The following STK39 variants were observed in gnomAD, a reference collection of about 807,000 sequenced individuals.
STK39 encodes serine/threonine kinase 39, also known as STE20/SPS1-related proline-alanine-rich protein kinase.
STK39 carries 20 observed loss-of-function variants against 77.8 expected under a neutral mutation model. The ratio of observed to expected loss-of-function variants is 0.26; its 90% CI spans 0.18 to 0.37. The LOEUF (loss-of-function observed/expected upper bound fraction) is 0.37, where lower values mean the gene tolerates loss of function less well. Ranked by LOEUF, STK39 falls within the 10% of genes least tolerant of loss-of-function variation. STK39 has a pLI of 1.00. For missense variants in STK39, 479 were observed against 656.5 expected, an observed-to-expected ratio of 0.73 and a Z score of 2.95; for synonymous variants, 246 against 234.1, an observed-to-expected ratio of 1.05 and a Z score of -0.47.
chr2:167,999,035 G>T (rs896584268), intron 16 of STK39, among the ~76,000 whole-genome samples: 2 of 99,764 alleles, frequency 2.0e-5, no homozygotes, highest in African/African-American at 7.2e-5. Context: ...TTCAGTTTTC[G>T]CAAGTCATTA....
intron 14 of STK39, 56 bp from the exon 15 acceptor site, chr2:168,017,151 C>G: frequency 2.4e-6 from 3 of 1,253,514 alleles, no homozygotes; most frequent in Non-Finnish European, 2.2e-6. Flanking sequence ...TTTAGTCGAA[C>G]TACATGTATT....
chr2:167,981,050 T>TA (rs36011880), intron 16 of STK39, among the ~76,000 whole-genome samples: 24,646 of 147,318 alleles, frequency 0.17, 2,125 homozygotes, highest in Middle Eastern at 0.22. Context: ...GGCCACAGAG[T>TA]AAAAAAAAAA....
chr2:168,126,196 C>T (rs569579373), intron 10 of STK39, among the ~76,000 whole-genome samples: 18 of 152,108 alleles, frequency 1.2e-4, no homozygotes, highest in East Asian at 5.8e-4. Context: ...TGAAAAACAG[C>T]GAACTGATAA....
chr2:168,155,674 G>A (rs983990855), intron 5 of STK39, among the ~76,000 whole-genome samples: 17 of 151,960 alleles, frequency 1.1e-4, no homozygotes, highest in African/African-American at 4.1e-4. Context: ...TTAGCCTCAT[G>A]GCTTGCAGGC....
chr2:168,167,188 A>C, intron 3 of STK39, 111 bp downstream of exon 3: 2 of 884,778 alleles, frequency 2.3e-6, no homozygotes, highest in Non-Finnish European at 1.8e-6. Context: ...AACCAAACAA[A>C]CTTTCAAACA....
At chr2:168,168,815 C>T (rs1688751912) in intron 2 of STK39, among the ~76,000 whole-genome samples, 1 of 152,122 alleles carries the variant, frequency 6.6e-6, no homozygotes, top group Non-Finnish European at 1.5e-5. Context: ...ACATGAGAAA[C>T]ATTGTCTCTA....
chr2:168,132,918 A>G (rs190199502), intron 8 of STK39, among the ~76,000 whole-genome samples: 1 of 152,338 alleles, frequency 6.6e-6, no homozygotes, highest in Non-Finnish European at 1.5e-5. Context: ...GCTGCTACAC[A>G]TTTGGACACA....
At chr2:168,122,236 C>G (rs1687426133) in intron 10 of STK39, among the ~76,000 whole-genome samples, 1 of 152,092 alleles carries the variant, frequency 6.6e-6, no homozygotes, top group African/African-American at 2.4e-5. Flanking sequence ...TTCTTTGTGT[C>G]CATGTTTACT....
At chr2:168,096,118 A>G (rs575515752) in intron 10 of STK39, among the ~76,000 whole-genome samples, 1 of 152,290 alleles carries the variant, frequency 6.6e-6, no homozygotes, top group East Asian at 1.9e-4. Context: ...ACACACAAAT[A>G]TATGTTTTTG....
chr2:168,085,794 G>A (rs73019405), intron 10 of STK39, among the ~76,000 whole-genome samples: 3,477 of 152,268 alleles, frequency 0.023, 128 homozygotes, highest in African/African-American at 0.079. Context: ...CCCTCTCCTT[G>A]AATCTGGGTG....
At chr2:168,193,860 T>C (rs1302998551) in intron 1 of STK39, among the ~76,000 whole-genome samples, 1 of 152,190 alleles carries the variant, frequency 6.6e-6, no homozygotes, top group African/African-American at 2.4e-5. Context: ...ACATTTTCAG[T>C]TGCTACCACA....
chr2:168,019,124 C>T (rs1194297298), intron 14 of STK39, among the ~76,000 whole-genome samples: 1 of 152,066 alleles, frequency 6.6e-6, no homozygotes, highest in Non-Finnish European at 1.5e-5. Flanking sequence ...CAGGGACTGC[C>T]GCAGTTCCTA....
At chr2:167,983,456 A>T (rs914189267) in intron 16 of STK39, among the ~76,000 whole-genome samples, 1 of 96,032 alleles carries the variant, frequency 1.0e-5, no homozygotes, top group South Asian at 3.6e-4. Context: ...CTCCATCCAA[A>T]AAAAAAAAAA....
At chr2:168,200,521 T>A (rs55963398) in intron 1 of STK39, among the ~76,000 whole-genome samples, 1 of 147,334 alleles carries the variant, frequency 6.8e-6, no homozygotes, top group Non-Finnish European at 1.5e-5. Context: ...AAAAAAAAAA[T>A]AAAAAATTAG....
Position 168,138,132 on chromosome 2 carries a change from A to G in STK39, c.930T>C (p.Phe310=), listed in dbSNP as rs1687886215. 6.2e-7 allele frequency: 1 copy of G among 1,614,054 alleles called. No individual in the cohort carries two copies. The part of the protein sequence containing the change: ...KEMMKKYGKS[F]RKLLSLCLQK... ...GAAGACACAGTGAAAGTAATTTTCT[A>G]AAGGACTTGCCGTACTTTTTCATCA... The change falls in exon 8 of 18, where the codon TTT becomes TTC. Residue 310 remains phenylalanine (F), a synonymous_variant. Transcript: ENST00000355999.
At chr2:168,008,208 G>C (rs146045753) in intron 16 of STK39, among the ~76,000 whole-genome samples, 9 of 152,294 alleles carry the variant, frequency 5.9e-5, no homozygotes, top group Admixed American at 1.3e-4. Context: ...AGGCTGAAGG[G>C]AGGCAAGTAC....
chr2:167,988,010 T>C (rs957249309), intron 16 of STK39, among the ~76,000 whole-genome samples: 1 of 152,178 alleles, frequency 6.6e-6, no homozygotes, highest in Non-Finnish European at 1.5e-5. Flanking sequence ...CACACAGAGA[T>C]GAAGCAACTT....
intron 14 of STK39, among the ~76,000 whole-genome samples, chr2:168,024,368 T>G (rs1684646357): frequency 6.6e-6 from 1 of 152,196 alleles, no homozygotes; most frequent in African/African-American, 2.4e-5. Flanking sequence ...CTGCTATGGT[T>G]TGAATGTCTC....
At chr2:168,102,978 C>T (rs1431121551) in intron 10 of STK39, among the ~76,000 whole-genome samples, 1 of 142,414 alleles carries the variant, frequency 7.0e-6, no homozygotes, top group Admixed American at 7.0e-5. Context: ...GGTGAATTTT[C>T]TCTTTGGATT....
Sources: allele counts gnomAD v4.1 joint callset (sites outside exome capture counted in the v4.1 genomes callset), GRCh38; gene constraint gnomAD v4.1.1; transcripts MANE v1.5; gene names NCBI Gene and HGNC (gene_info 2026-07-23, HGNC 2026-07-21).